MEIS1: variants seen among roughly 807,000 people sequenced by gnomAD.
MEIS1 encodes the protein Meis homeobox 1.
Under a neutral mutation model 50.8 loss-of-function variants are expected in MEIS1, and 5 were observed. The observed-to-expected ratio is 0.10, with a 90% CI of 0.05 to 0.21. The LOEUF (loss-of-function observed/expected upper bound fraction) is 0.21. MEIS1 is among the 10% of genes least tolerant of loss of function. The probability of loss-of-function intolerance (pLI) is 1.00; values close to 1 mark genes in which losing one functional copy is unlikely to be tolerated. For missense variants in MEIS1, 318 were observed against 517.3 expected, an observed-to-expected ratio of 0.61 and a Z score of 3.74; for synonymous variants, 176 against 179.3, an observed-to-expected ratio of 0.98 and a Z score of 0.15.
Position 66,568,707 on chromosome 2 carries a change from G to A in MEIS1, c.1065G>A (p.Met355Ile), listed in dbSNP as rs758483192. ...GTPYNPDGQP[M>I]GGFVMDGQQH... is the part of the protein sequence containing the mutation. ...CTTATAATCCTGATGGACAGCCCAT[G>A]GGAGGTTTCGTAATGGACGGTCAGC... is the stretch of plus-strand genomic sequence containing the variant. Residue 355 changes from methionine to isoleucine, a missense_variant, in exon 11 of 13, where the codon ATG becomes ATA. Transcript: ENST00000272369. The A allele has an allele frequency of 1.2e-6, 2 of 1,613,770 alleles. No homozygotes were observed. The highest frequency in any genetic ancestry group is 4.5e-5 in the East Asian group (2 of 44,866).
In MEIS1 at chr2:66,442,909, A is replaced by G; in HGVS notation, c.491A>G (p.Glu164Gly). 1 of 1,590,062 alleles carries G rather than the reference A, an allele frequency of 6.3e-7. No individual in the cohort carries two copies. The highest frequency in any genetic ancestry group is 8.5e-7 in the Non-Finnish European group (1 of 1,172,880). ...FHLLELEKVH[E>G]LCDNFCHRYI... is the part of the protein sequence containing the mutation. Reference sequence around the variant, plus strand: ...ATTTCTGTCATAATGTAGGTACACGAATTATGTGACAATTTCTGCCACCGG... The same window carrying G: ...ATTTCTGTCATAATGTAGGTACACGGATTATGTGACAATTTCTGCCACCGG... Residue 164 changes from glutamate (E) to glycine (G), a missense_variant, in exon 6 of 13, where the codon GAA becomes GGA. Physicochemically the swap from Glu to Gly is moderately conservative, Grantham distance 98 (BLOSUM62 -2). Around this residue, in one of 6 missense-constraint regions of MEIS1, gnomAD observed 75 missense variants for 153.7 expected, o/e 0.49. Transcript: ENST00000272369.
chr2:66,567,593 G>T, intron 10 of MEIS1, 82 bp downstream of exon 10: 2 of 1,307,768 alleles, frequency 1.5e-6, no homozygotes, highest in Non-Finnish European at 2.2e-6. Flanking sequence ...CCGCTACCTG[G>T]TAAATAAACT....
intron 6 of MEIS1, among the ~76,000 whole-genome samples, chr2:66,458,891 A>C (rs370880799): frequency 1.3e-5 from 2 of 152,238 alleles, no homozygotes; most frequent in East Asian, 3.8e-4. Flanking sequence ...TTCCATATGT[A>C]TTACTTAAGT....
chr2:66,472,026 G>C (rs1169461708), intron 7 of MEIS1, among the ~76,000 whole-genome samples: 2 of 152,062 alleles, frequency 1.3e-5, no homozygotes, highest in Non-Finnish European at 2.9e-5. Context: ...TTTTATGTAA[G>C]GCCTTTTCAT....
At chr2:66,435,969 T>G in intron 1 of MEIS1, 101 bp downstream of exon 1, 1 of 1,090,294 alleles carries the variant, frequency 9.2e-7, no homozygotes, top group Non-Finnish European at 1.3e-6. Context: ...CTCTCTCTTT[T>G]AAAAAATGAG....
At chr2:66,500,673 C>T (rs1185134645) in intron 7 of MEIS1, among the ~76,000 whole-genome samples, 2 of 152,176 alleles carry the variant, frequency 1.3e-5, no homozygotes, top group African/African-American at 2.4e-5. Context: ...GATCTGCTCG[C>T]CTCAGCCTCC....
intron 7 of MEIS1, among the ~76,000 whole-genome samples, chr2:66,492,397 T>G (rs1673294785): frequency 6.6e-6 from 1 of 152,170 alleles, no homozygotes; most frequent in Non-Finnish European, 1.5e-5. Flanking sequence ...TCTGGGTGGA[T>G]GCTGAGGTCT....
chr2:66,509,084 G>A (rs751447897), intron 7 of MEIS1: 1 of 471,484 alleles, frequency 2.1e-6, no homozygotes, highest in Non-Finnish European at 4.4e-6. Context: ...CCACATTGAG[G>A]TGACTATATC....
intron 8 of MEIS1, among the ~76,000 whole-genome samples, chr2:66,527,637 TGTGTTG>T (rs1674287455): frequency 7.5e-6 from 1 of 132,530 alleles, no homozygotes; most frequent in Non-Finnish European, 1.7e-5. Flanking sequence ...TGTGTGTGTG[TGTGTTG>T]GGGGGGAGAC....
At chr2:66,481,610 G>A (rs961365721) in intron 7 of MEIS1, among the ~76,000 whole-genome samples, 3 of 152,088 alleles carry the variant, frequency 2.0e-5, no homozygotes, top group Non-Finnish European at 4.4e-5. Flanking sequence ...TTCAATCCTG[G>A]TACCTTGAGC....
intron 8 of MEIS1, among the ~76,000 whole-genome samples, chr2:66,527,306 AG>A (rs1674276142): frequency 6.6e-6 from 1 of 152,168 alleles, no homozygotes; most frequent in Non-Finnish European, 1.5e-5. Flanking sequence ...AACAAAACTC[AG>A]GGCCATAAAT....
chr2:66,477,149 G>A (rs1334325827), intron 7 of MEIS1, among the ~76,000 whole-genome samples: 1 of 152,148 alleles, frequency 6.6e-6, no homozygotes, highest in East Asian at 1.9e-4. Context: ...TGGCGTGGTT[G>A]GATGGAAGTG....
At chr2:66,445,545 GT>G (rs1672111891) in intron 6 of MEIS1, among the ~76,000 whole-genome samples, 1 of 152,240 alleles carries the variant, frequency 6.6e-6, no homozygotes, top group African/African-American at 2.4e-5. Context: ...AGCCCAGCCA[GT>G]TTGAGCCTCC....
At chr2:66,532,609 T>G (rs574386211) in intron 8 of MEIS1, among the ~76,000 whole-genome samples, 13 of 152,104 alleles carry the variant, frequency 8.5e-5, no homozygotes, top group Admixed American at 5.9e-4. Flanking sequence ...CCAGTTGCCT[T>G]GATGCCATGA....
intron 8 of MEIS1, among the ~76,000 whole-genome samples, chr2:66,513,456 A>AGAGACATCC (rs1192700055): frequency 6.6e-6 from 1 of 152,098 alleles, no homozygotes; most frequent in Non-Finnish European, 1.5e-5. Context: ...AGAGATACAA[A>AGAGACATCC]CTCAGGGGAT....
At chr2:66,491,859 T>C (rs913819966) in intron 7 of MEIS1, among the ~76,000 whole-genome samples, 8 of 152,184 alleles carry the variant, frequency 5.3e-5, no homozygotes, top group East Asian at 1.9e-4. Flanking sequence ...TTGCATGATA[T>C]AAGGACAGCT....
At chr2:66,554,116 C>G (rs28548604) in intron 9 of MEIS1, among the ~76,000 whole-genome samples, 1,724 of 152,192 alleles carry the variant, frequency 0.011, 32 homozygotes, top group African/African-American at 0.039. Flanking sequence ...ATGTCGGGAC[C>G]CTGTAGGGTT....
chr2:66,529,455 G>T (rs1159021095), intron 8 of MEIS1, among the ~76,000 whole-genome samples: 2 of 152,108 alleles, frequency 1.3e-5, no homozygotes, highest in Non-Finnish European at 2.9e-5. Context: ...ATTTCTTTTA[G>T]AAATAGGGTC....
At chr2:66,568,616 C>G in intron 10 of MEIS1, 51 bp from the exon 11 acceptor site, 1 of 1,378,822 alleles carries the variant, frequency 7.3e-7, no homozygotes, top group Non-Finnish European at 1.0e-6. Flanking sequence ...TGGGCTATTT[C>G]TTTTGCTCTC....
Sources: gnomAD v4.1 joint callset for allele counts (sites outside exome capture counted in the v4.1 genomes callset) on GRCh38, gnomAD v4.1.1 for gene constraint, gnomAD v4.1.1 regional missense constraint, MANE v1.5 for transcripts, NCBI Gene and HGNC (gene_info 2026-07-23, HGNC 2026-07-21) for gene names.